PCDHGA1: variants seen among roughly 807,000 people sequenced by gnomAD.
The protein encoded by PCDHGA1 is protocadherin gamma-A1.
A neutral mutation model predicts 58.0 loss-of-function variants in PCDHGA1; 32 were observed. That is an observed-to-expected ratio of 0.55 (90% CI 0.42 to 0.74). The LOEUF (loss-of-function observed/expected upper bound fraction) is 0.74, where lower values mean the gene tolerates loss of function less well. Ranked by LOEUF, PCDHGA1 falls within the 30% of genes least tolerant of loss-of-function variation. The probability of loss-of-function intolerance (pLI) is 0.00; values close to 1 mark genes in which losing one functional copy is unlikely to be tolerated. For missense variants in PCDHGA1, 1,205 were observed against 1,182.3 expected, an observed-to-expected ratio of 1.02 and a Z score of -0.28; for synonymous variants, 498 against 501.1, an observed-to-expected ratio of 0.99 and a Z score of 0.08.
At chr5:141,405,543 C>T (rs1027086926) in intron 1 of PCDHGA1, 27 of 634,834 alleles carry the variant, frequency 4.3e-5, no homozygotes, top group Non-Finnish European at 7.1e-5. Flanking sequence ...CCTCAGCCTC[C>T]CAAGTAGAGT....
chr5:141,427,810 G>T, intron 1 of PCDHGA1: 1 of 1,523,990 alleles, frequency 6.6e-7, no homozygotes, highest in Non-Finnish European at 9.0e-7. Flanking sequence ...AGCGCACAGA[G>T]CGGGGTGGTG....
chr5:141,362,184 C>A lies in PCDHGA1; in HGVS notation c.2421+29079C>A, dbSNP rs1252521454. 3.1e-6 allele frequency: 5 copies of A among 1,613,940 alleles called. No homozygotes were observed. The African/African-American group carries it at 6.7e-5, about 22-fold the overall frequency. The stretch of plus-strand genomic sequence containing the variant: ...TCAGCGACCGCCGGGAGCCCTCTGA[C>A]CCCCAGGCAAAACTGCAGTTTTACC... On this transcript the variant is annotated intron_variant, in intron 1 of 3. Coordinates refer to ENST00000517417, the MANE Select transcript of PCDHGA1 (RefSeq NM_018912.3).
chr5:141,454,892 C>T (rs1389056318), intron 1 of PCDHGA1, among the ~76,000 whole-genome samples: 4 of 146,994 alleles, frequency 2.7e-5, no homozygotes, highest in Non-Finnish European at 5.9e-5. Context: ...ACTGCTAGCA[C>T]CGCCTCCCGG....
Position 141,330,551 on chromosome 5 carries a change from A to G in PCDHGA1, c.-134A>G. 1.1e-6 allele frequency: 1 copy of G among 939,956 alleles called. No homozygotes were observed. Among genetic ancestry groups the G allele is most frequent in the Non-Finnish European group, 1.6e-6 (1 of 628,892 alleles). The allele number at this position is 939,956 out of a possible 1,614,324, so 58.2% of individuals were successfully genotyped here. ...CCGCCAGATTGAAAACTGACTGTCC[A>G]AGACTGCCTAAATCCTACTTCTGGA... On this transcript the variant is annotated 5_prime_UTR_variant, in exon 1 of 4. Coordinates refer to ENST00000517417, the MANE Select transcript of PCDHGA1 (RefSeq NM_018912.3).
chr5:141,392,498 A>AT (rs201401101), intron 1 of PCDHGA1: 334 of 217,284 alleles, frequency 1.5e-3, no homozygotes, highest in East Asian at 0.014. Flanking sequence ...TAAGCAAATG[A>AT]TTTTTTTTTC....
rs752373818 is a variant in PCDHGA1, at chr5:141,331,503, C to A, written c.819C>A (p.Ala273=). Residue 273 remains alanine, a synonymous_variant, in exon 1 of 4, where the codon GCC becomes GCA. Transcript: ENST00000517417. The part of the protein sequence containing the change: ...MVNATDPDEG[A]NGEVTYSFHN... Reference sequence around the variant, plus strand: ...ATGCCACTGACCCTGATGAGGGAGCCAATGGGGAAGTAACGTACTCCTTTC... The same window carrying A: ...ATGCCACTGACCCTGATGAGGGAGCAAATGGGGAAGTAACGTACTCCTTTC... The A allele has an allele frequency of 3.7e-6, 6 of 1,614,024 alleles. No individual in the cohort carries two copies. In the African/African-American group the frequency reaches 8.0e-5, roughly 22 times the overall value.
chr5:141,346,123 T>A, intron 1 of PCDHGA1: 3 of 1,613,902 alleles, frequency 1.9e-6, no homozygotes, highest in Non-Finnish European at 2.5e-6. Context: ...GTGGTGGCGG[T>A]GGCCGCGGTC....
At chr5:141,403,892 T>C in intron 1 of PCDHGA1, 1 of 1,613,820 alleles carries the variant, frequency 6.2e-7, no homozygotes, top group Non-Finnish European at 8.5e-7. Flanking sequence ...AGAATGTTCA[T>C]TTTATGAAAT....
chr5:141,335,940 C>T (rs1756589451), intron 1 of PCDHGA1, among the ~76,000 whole-genome samples: 2 of 151,964 alleles, frequency 1.3e-5, no homozygotes, highest in Non-Finnish European at 2.9e-5. Flanking sequence ...TTGTGAGATG[C>T]AACTAAAACT....
intron 1 of PCDHGA1, among the ~76,000 whole-genome samples, chr5:141,347,717 G>A (rs1001713280): frequency 6.6e-6 from 1 of 151,584 alleles, no homozygotes; most frequent in Non-Finnish European, 1.5e-5. Flanking sequence ...AACCCAGGAG[G>A]CAGAAGTTGC....
At position 141,332,644 on chromosome 5, in the gene PCDHGA1, C is replaced by T. The variant is rs149280390; in HGVS notation, c.1960C>T (p.Leu654Phe). ...VAVQDHGQPP[L>F]SATVTLTVAV... ...CGTCCAGGACCACGGCCAGCCCCCG[C>T]TCTCCGCCACTGTCACGCTCACCGT... is the stretch of plus-strand genomic sequence containing the variant. Residue 654 changes from leucine to phenylalanine, a missense_variant, in exon 1 of 4, where the codon CTC becomes TTC. Coordinates refer to ENST00000517417, the MANE Select transcript of PCDHGA1 (RefSeq NM_018912.3). The surrounding 1 kb of genome is among the most constrained non-coding windows in gnomAD (Gnocchi z 4.6). 1.1e-5 allele frequency: 18 copies of T among 1,613,070 alleles called. No individual in the cohort carries two copies. In the African/African-American group the frequency reaches 2.4e-4, roughly 21 times the overall value.
At chr5:141,355,857 C>A in intron 1 of PCDHGA1, 4 of 1,612,456 alleles carry the variant, frequency 2.5e-6, no homozygotes, top group Non-Finnish European at 3.4e-6. Context: ...ATGGAGGTGA[C>A]CCGGTTCGCT....
intron 1 of PCDHGA1, chr5:141,426,876 C>G (rs796453479): frequency 2.2e-6 from 1 of 456,726 alleles, no homozygotes; most frequent in Admixed American, 2.3e-5. Flanking sequence ...GGAGAAGCCC[C>G]TGGGCCAGGA....
intron 1 of PCDHGA1, chr5:141,394,129 C>T: frequency 3.7e-6 from 6 of 1,613,968 alleles, no homozygotes; most frequent in Non-Finnish European, 5.1e-6. Context: ...ACTCAAATCG[C>T]TCTGCACGTG....
intron 1 of PCDHGA1, among the ~76,000 whole-genome samples, chr5:141,463,177 A>G (rs914982793): frequency 2.6e-5 from 4 of 152,250 alleles, no homozygotes; most frequent in Admixed American, 2.6e-4. Context: ...ATGTATGCTC[A>G]GATTATTATT....
chr5:141,489,339 C>T lies in PCDHGA1; in HGVS notation c.2422-5468C>T. 6.2e-7 allele frequency: 1 copy of T among 1,608,828 alleles called. No individual in the cohort carries two copies. On this transcript the variant is annotated intron_variant, in intron 1 of 3. Transcript: ENST00000517417. The surrounding 1 kb of genome is among the most constrained non-coding windows in gnomAD (Gnocchi z 4.5). ...GCTGGGTGTCTGGGCAGCTTCGTTA[C>T]TCAGTGGTGGAGGAGTCTGAGCCGG...
At chr5:141,388,104 T>C in intron 1 of PCDHGA1, 1 of 1,386,112 alleles carries the variant, frequency 7.2e-7, no homozygotes, top group Non-Finnish European at 1.0e-6. Context: ...GGAGAAGCCT[T>C]ACTTCACCGT....
chr5:141,502,087 C>T (rs1289663374), intron 2 of PCDHGA1, among the ~76,000 whole-genome samples: 1 of 152,180 alleles, frequency 6.6e-6, no homozygotes, highest in Admixed American at 6.5e-5. Context: ...GGGCTGAGAA[C>T]ACCTGGCCTT....
At chr5:141,386,290 A>T (rs2090519757) in intron 1 of PCDHGA1, among the ~76,000 whole-genome samples, 1 of 152,214 alleles carries the variant, frequency 6.6e-6, no homozygotes, top group African/African-American at 2.4e-5. Flanking sequence ...TTTGTATAAC[A>T]TTTTAGTAAA....
Sources: allele counts gnomAD v4.1 joint callset (sites outside exome capture counted in the v4.1 genomes callset), GRCh38; gene constraint gnomAD v4.1.1; non-coding constraint Gnocchi (gnomAD v3.1); transcripts MANE v1.5; gene names NCBI Gene and HGNC (gene_info 2026-07-23, HGNC 2026-07-21).